DAAM2: variants seen among roughly 807,000 people sequenced by gnomAD.
The protein encoded by DAAM2 is disheveled-associated activator of morphogenesis 2.
Under a neutral mutation model 120.7 loss-of-function variants are expected in DAAM2, and 39 were observed. The observed-to-expected ratio is 0.32, with a 90% CI of 0.25 to 0.42. DAAM2 has a LOEUF of 0.42. Ranked by LOEUF, DAAM2 falls within the 10% of genes least tolerant of loss-of-function variation. DAAM2 has a pLI of 1.00. For missense variants in DAAM2, 1,283 were observed against 1,401.7 expected, an observed-to-expected ratio of 0.92 and a Z score of 1.35; for synonymous variants, 488 against 524.9, an observed-to-expected ratio of 0.93 and a Z score of 0.96.
intron 1 of DAAM2, among the ~76,000 whole-genome samples, chr6:39,847,109 C>T (rs1763625696): frequency 6.6e-6 from 1 of 152,212 alleles, no homozygotes; most frequent in Non-Finnish European, 1.5e-5. Flanking sequence ...AAGGCACAGC[C>T]CCGGGGGCCA....
chr6:39,852,708 G>A (rs1763852814), intron 1 of DAAM2, among the ~76,000 whole-genome samples: 2 of 152,210 alleles, frequency 1.3e-5, no homozygotes, highest in Admixed American at 1.3e-4. Flanking sequence ...TGTCACGGAT[G>A]AGGAAGCTGG....
chr6:39,859,201 TA>T (rs1764120055), intron 2 of DAAM2, among the ~76,000 whole-genome samples: 1 of 152,164 alleles, frequency 6.6e-6, no homozygotes, highest in African/African-American at 2.4e-5. Flanking sequence ...CCCTAGGAAT[TA>T]GACCAGGTCC....
At chr6:39,893,966 C>A (rs958773106) in intron 19 of DAAM2, among the ~76,000 whole-genome samples, 1 of 152,154 alleles carries the variant, frequency 6.6e-6, no homozygotes, top group Non-Finnish European at 1.5e-5. Context: ...AGCTAGTTCA[C>A]CAAATTTGAC....
intron 1 of DAAM2, among the ~76,000 whole-genome samples, chr6:39,851,705 A>G (rs1763812105): frequency 6.6e-6 from 1 of 152,204 alleles, no homozygotes; most frequent in South Asian, 2.1e-4. Flanking sequence ...ATGTGGGGGA[A>G]GCGCTCAGTA....
At chr6:39,861,821 G>A (rs962369837) in intron 3 of DAAM2, 1 of 152,932 alleles carries the variant, frequency 6.5e-6, no homozygotes, top group Non-Finnish European at 1.5e-5. Context: ...TTTGGTGTTT[G>A]GGGACCAGAG....
At position 39,807,537 on chromosome 6, in the gene DAAM2, GAC is replaced by G. The variant is rs555316910; in HGVS notation, c.-57+15074_-57+15075del. Among the ~76,000 whole-genome samples the G allele has an allele frequency of 2.2e-3, 341 of 152,128 alleles. 3 individuals are homozygous for G. The highest frequency in any genetic ancestry group is 7.6e-3 in the African/African-American group (317 of 41,490). ...ATACAAATGTTTATTTTATTTTTGA[GAC>G]AGAGTCTCACTCTGTCACCCAGACA... On this transcript the variant is annotated intron_variant, in intron 1 of 24. Transcript: ENST00000274867.
At chr6:39,853,308 G>T (rs939965620) in intron 1 of DAAM2, among the ~76,000 whole-genome samples, 6 of 152,204 alleles carry the variant, frequency 3.9e-5, no homozygotes, top group Non-Finnish European at 7.3e-5. Context: ...CTTAGGGTTT[G>T]GTTGGGAGGG....
intron 2 of DAAM2, among the ~76,000 whole-genome samples, chr6:39,859,560 C>T (rs2149289678): frequency 6.6e-6 from 1 of 152,292 alleles, no homozygotes; most frequent in Non-Finnish European, 1.5e-5. Flanking sequence ...CGTGGGACTA[C>T]TGGCTCATCT....
chr6:39,846,569 C>T (rs748370817), intron 1 of DAAM2, among the ~76,000 whole-genome samples: 4 of 152,112 alleles, frequency 2.6e-5, no homozygotes, highest in South Asian at 2.1e-4. Context: ...TTCTACTCTA[C>T]GACGCCTCCT....
At chr6:39,845,815 G>T (rs761181197) in intron 1 of DAAM2, among the ~76,000 whole-genome samples, 1 of 151,792 alleles carries the variant, frequency 6.6e-6, no homozygotes, top group African/African-American at 2.4e-5. Flanking sequence ...TTGCCATCTC[G>T]TCTGCCTCTA....
At chr6:39,811,856 C>G (rs1762172020) in intron 1 of DAAM2, among the ~76,000 whole-genome samples, 1 of 152,056 alleles carries the variant, frequency 6.6e-6, no homozygotes, top group South Asian at 2.1e-4. Context: ...CCTTAGACAC[C>G]AGGGTTGGAT....
At chr6:39,828,605 C>T (rs2114178039) in intron 1 of DAAM2, among the ~76,000 whole-genome samples, 1 of 138,506 alleles carries the variant, frequency 7.2e-6, no homozygotes, top group African/African-American at 2.9e-5. Flanking sequence ...GCTCTGTCGC[C>T]AGGCTGGAGT....
chr6:39,812,293 G>A (rs898929722), intron 1 of DAAM2, among the ~76,000 whole-genome samples: 2 of 152,150 alleles, frequency 1.3e-5, no homozygotes, highest in Admixed American at 6.5e-5. Context: ...CCAGACACTG[G>A]GCTAAGCCCT....
At chr6:39,834,218 C>G (rs950296104) in intron 1 of DAAM2, among the ~76,000 whole-genome samples, 1 of 152,058 alleles carries the variant, frequency 6.6e-6, no homozygotes, top group African/African-American at 2.4e-5. Flanking sequence ...AAGAGCATAC[C>G]TCTTATATTG....
intron 1 of DAAM2, chr6:39,855,925 C>T: frequency 1.8e-6 from 1 of 555,078 alleles, no homozygotes; most frequent in Non-Finnish European, 2.3e-6. Flanking sequence ...GGAAAGTCAG[C>T]TCTGGTCACA....
At chr6:39,894,911 G>A (rs1363129635) in intron 19 of DAAM2, among the ~76,000 whole-genome samples, 1 of 152,046 alleles carries the variant, frequency 6.6e-6, no homozygotes, top group African/African-American at 2.4e-5. Flanking sequence ...GAGCTACCAT[G>A]CCTGGCCTGT....
chr6:39,895,131 A>C (rs1765993069), intron 19 of DAAM2, among the ~76,000 whole-genome samples: 1 of 152,218 alleles, frequency 6.6e-6, no homozygotes. Context: ...CCAAATACCC[A>C]CCAAGAATAA....
chr6:39,810,770 T>C (rs774624707), intron 1 of DAAM2, among the ~76,000 whole-genome samples: 11 of 152,198 alleles, frequency 7.2e-5, no homozygotes, highest in Non-Finnish European at 1.5e-4. Flanking sequence ...CCCTGCCTTT[T>C]CCTATTTCCT....
At chr6:39,844,375 C>T (rs1424827926) in intron 1 of DAAM2, among the ~76,000 whole-genome samples, 1 of 151,150 alleles carries the variant, frequency 6.6e-6, no homozygotes, top group Non-Finnish European at 1.5e-5. Flanking sequence ...CTGCTGGACA[C>T]ACACACACAC....
Sources: allele counts gnomAD v4.1 joint callset (sites outside exome capture counted in the v4.1 genomes callset), GRCh38; gene constraint gnomAD v4.1.1; transcripts MANE v1.5; gene names NCBI Gene and HGNC (gene_info 2026-07-23, HGNC 2026-07-21).